GRID2: variants seen among roughly 807,000 people sequenced by gnomAD.
GRID2 encodes the protein glutamate receptor ionotropic, delta-2.
Under a neutral mutation model 114.8 loss-of-function variants are expected in GRID2, and 33 were observed. The ratio of observed to expected loss-of-function variants is 0.29; its 90% CI spans 0.22 to 0.38. The LOEUF (loss-of-function observed/expected upper bound fraction) is 0.38, where lower values mean the gene tolerates loss of function less well. Among genes scored for constraint, GRID2 ranks in the 10% least tolerant of loss-of-function variants. The probability of loss-of-function intolerance (pLI) is 1.00; values close to 1 mark genes in which losing one functional copy is unlikely to be tolerated. For missense variants in GRID2, 1,184 were observed against 1,257.7 expected, an observed-to-expected ratio of 0.94 and a Z score of 0.89; for synonymous variants, 505 against 449.9, an observed-to-expected ratio of 1.12 and a Z score of -1.55.
At chr4:92,532,605 T>A (rs1725407598) in intron 1 of GRID2, among the ~76,000 whole-genome samples, 1 of 152,138 alleles carries the variant, frequency 6.6e-6, no homozygotes, top group Admixed American at 6.6e-5. Context: ...AAGAAGTTTT[T>A]CCAAATTTGA....
chr4:93,159,314 T>A (rs138180889), intron 4 of GRID2, among the ~76,000 whole-genome samples: 3 of 151,970 alleles, frequency 2.0e-5, no homozygotes, highest in Admixed American at 1.3e-4. Context: ...CAAGGAGTGC[T>A]GGATCCAGGA....
At chr4:92,434,353 A>G (rs1174721612) in intron 1 of GRID2, among the ~76,000 whole-genome samples, 1 of 152,180 alleles carries the variant, frequency 6.6e-6, no homozygotes, top group Non-Finnish European at 1.5e-5. Context: ...GTATGTGTAT[A>G]TTTGGGATTT....
intron 14 of GRID2, among the ~76,000 whole-genome samples, chr4:93,702,151 T>G (rs534279495): frequency 6.6e-6 from 1 of 152,288 alleles, no homozygotes; most frequent in African/African-American, 2.4e-5. Flanking sequence ...TCAAAAAGTT[T>G]TAACCCTAGA....
chr4:93,745,388 A>T (rs539029761), intron 14 of GRID2, among the ~76,000 whole-genome samples: 1 of 152,308 alleles, frequency 6.6e-6, no homozygotes, highest in African/African-American at 2.4e-5. Context: ...TACATCCCTT[A>T]GCTACAGAAT....
intron 1 of GRID2, among the ~76,000 whole-genome samples, chr4:92,492,848 G>A (rs1016689594): frequency 6.6e-6 from 1 of 152,004 alleles, no homozygotes; most frequent in Admixed American, 6.6e-5. Flanking sequence ...ACAGTTTTAG[G>A]CCAGGCGCAG....
At chr4:92,770,767 A>T (rs1395340642) in intron 2 of GRID2, among the ~76,000 whole-genome samples, 3 of 152,026 alleles carry the variant, frequency 2.0e-5, no homozygotes, top group African/African-American at 7.2e-5. Context: ...CCATAATTCA[A>T]TCACCTCCAA....
intron 4 of GRID2, among the ~76,000 whole-genome samples, chr4:93,137,106 T>A (rs1258953337): frequency 6.6e-6 from 1 of 152,150 alleles, no homozygotes; most frequent in Non-Finnish European, 1.5e-5. Context: ...TTCTAAATGA[T>A]GAAATTAAGC....
At position 93,105,562 on chromosome 4, in the gene GRID2, G is replaced by A. The variant is rs72887628; in HGVS notation, c.530-5186G>A. Among the ~76,000 whole-genome samples the A allele has an allele frequency of 7.3e-3, 1,119 of 152,246 alleles. 22 individuals carry two copies. Among genetic ancestry groups the A allele is most frequent in the African/African-American group, 0.026 (1,071 of 41,558 alleles). The stretch of plus-strand genomic sequence containing the variant: ...ATTTTTTAGATCACAAGTCTGAAAT[G>A]GAATCTCAGTGGGCTATAATCAGTG... On this transcript the variant is annotated intron_variant, in intron 3 of 15. Coordinates refer to ENST00000282020, the MANE Select transcript of GRID2 (RefSeq NM_001510.4).
At chr4:92,890,839 A>G (rs1020247590) in intron 2 of GRID2, among the ~76,000 whole-genome samples, 1 of 152,216 alleles carries the variant, frequency 6.6e-6, no homozygotes, top group Non-Finnish European at 1.5e-5. Context: ...CACTATTCAC[A>G]ATAGCAAAAA....
At chr4:92,627,664 A>G (rs1730592147) in intron 2 of GRID2, among the ~76,000 whole-genome samples, 1 of 152,166 alleles carries the variant, frequency 6.6e-6, no homozygotes, top group South Asian at 2.1e-4. Flanking sequence ...TAAAATTATG[A>G]AAATTTCTTC....
intron 2 of GRID2, among the ~76,000 whole-genome samples, chr4:92,665,582 T>G (rs554595303): frequency 1.3e-5 from 2 of 151,320 alleles, no homozygotes; most frequent in East Asian, 1.9e-4. Flanking sequence ...ACTGCAAGAG[T>G]GTTTTTTAGC....
chr4:93,293,874 A>T (rs527644946), intron 8 of GRID2, among the ~76,000 whole-genome samples: 1 of 152,338 alleles, frequency 6.6e-6, no homozygotes, highest in South Asian at 2.1e-4. Flanking sequence ...ATGATATGGC[A>T]GTGAACAAAA....
chr4:93,008,198 A>T (rs1212981332), intron 2 of GRID2, among the ~76,000 whole-genome samples: 1 of 152,062 alleles, frequency 6.6e-6, no homozygotes, highest in Non-Finnish European at 1.5e-5. Context: ...TCTCTGCAAA[A>T]TTCTTCTAAA....
chr4:93,608,288 T>C (rs1317893331), intron 13 of GRID2, among the ~76,000 whole-genome samples: 2 of 63,950 alleles, frequency 3.1e-5, no homozygotes, highest in African/African-American at 9.4e-5. Flanking sequence ...TGAAAATTAT[T>C]TTTTTTTCTT....
At chr4:93,626,185 A>G (rs953728028) in intron 13 of GRID2, 84 bp from the exon 14 acceptor site, 3 of 674,594 alleles carry the variant, frequency 4.4e-6, no homozygotes, top group East Asian at 5.3e-5. Context: ...ATATATACCA[A>G]TGTAATGTTT....
In GRID2 at chr4:92,676,211, C is replaced by G. The variant is rs552316454; in HGVS notation, c.244+85925C>G. ...TGTTTTTGTTGTTGAGACAGAGTCT[C>G]GCTCTGTCGCCCAGGCTGGAGTGCA... On this transcript the variant is annotated intron_variant, in intron 2 of 15. Coordinates refer to ENST00000282020, the MANE Select transcript of GRID2 (RefSeq NM_001510.4). Among the ~76,000 whole-genome samples, 3 of 103,100 alleles carry G rather than the reference C, an allele frequency of 2.9e-5. No individual in the cohort carries two copies. The East Asian group carries it at 1.0e-3, about 35-fold the overall frequency. 67.6% of individuals were successfully genotyped at this position (103,100 alleles called of 152,430 possible). A position where few individuals can be genotyped will look rare whatever the true frequency, so the allele number is the denominator to read the frequency against.
At chr4:93,521,825 C>T (rs1315927138) in intron 13 of GRID2, among the ~76,000 whole-genome samples, 1 of 152,034 alleles carries the variant, frequency 6.6e-6, no homozygotes, top group African/African-American at 2.4e-5. Context: ...GGAGGAGTGA[C>T]ACTGGTAACT....
intron 8 of GRID2, among the ~76,000 whole-genome samples, chr4:93,354,778 T>G (rs1202488328): frequency 7.3e-6 from 1 of 136,086 alleles, no homozygotes; most frequent in Non-Finnish European, 1.5e-5. Flanking sequence ...TATGTAATAT[T>G]TATATATGAA....
chr4:92,389,804 G>T (rs1730154766), intron 1 of GRID2, among the ~76,000 whole-genome samples: 1 of 152,056 alleles, frequency 6.6e-6, no homozygotes, highest in Non-Finnish European at 1.5e-5. Flanking sequence ...ACTGTAAGGA[G>T]ATATCTAGTG....
Sources: allele counts gnomAD v4.1 joint callset (sites outside exome capture counted in the v4.1 genomes callset), GRCh38; gene constraint gnomAD v4.1.1; transcripts MANE v1.5; gene names NCBI Gene and HGNC (gene_info 2026-07-23, HGNC 2026-07-21).